The following MYO5A variants were observed in gnomAD, a reference collection of about 807,000 sequenced individuals.
MYO5A encodes myosin VA.
In MYO5A, 98 loss-of-function variants were observed where a neutral mutation model predicts 249.7. The observed-to-expected ratio is 0.39, with a 90% CI of 0.33 to 0.46. The LOEUF is 0.46. MYO5A is among the 20% of genes least tolerant of loss of function. The pLI is 0.98. For synonymous variants in MYO5A, 778 were observed against 810.6 expected (o/e 0.96, Z 0.68); for missense variants, 1,696 against 2,308.8 (o/e 0.73, Z 5.44).
Position 52,407,362 on chromosome 15 carries a change from G to C in MYO5A, c.876C>G (p.Gly292=), listed in dbSNP as rs1459824718. 1 of 1,613,490 alleles carries C rather than the reference G, an allele frequency of 6.2e-7. No individual in the cohort carries two copies. Among genetic ancestry groups the C allele is most frequent in the Non-Finnish European group, 8.5e-7 (1 of 1,179,526 alleles). The part of the protein sequence containing the change: ...ADNFNYTKQG[G]SPVIEGVDDA... Reference sequence around the variant, plus strand: ...CATCCACTCCTTCAATCACAGGACTGCCTCCTTGTTTTGTGTAATTAAAGT... The same window carrying C: ...CATCCACTCCTTCAATCACAGGACTCCCTCCTTGTTTTGTGTAATTAAAGT... The change falls in exon 8 of 42, where the codon GGC becomes GGG. Residue 292 remains glycine, a synonymous_variant. Coordinates refer to ENST00000399233, the MANE Select transcript of MYO5A (RefSeq NM_001382347.1).
intron 18 of MYO5A, 53 bp downstream of exon 18, chr15:52,379,572 G>C: frequency 6.5e-7 from 1 of 1,527,574 alleles, no homozygotes; most frequent in South Asian, 1.1e-5. Flanking sequence ...GCTTTCCAAG[G>C]TCAGAACCAC....
At position 52,330,412 on chromosome 15, in the gene MYO5A, T is replaced by C. The variant is rs2038835922; in HGVS notation, c.4496A>G (p.Gln1499Arg). The change falls in exon 35 of 42, where the codon CAA becomes CGA. Residue 1499 changes from glutamine (Q) to arginine (R), a missense_variant. Physicochemically the swap from Gln to Arg is conservative, Grantham distance 43 (BLOSUM62 1). This residue lies in a region of MYO5A where 625 missense variants were observed against 908.1 expected (regional missense o/e 0.69). Transcript: ENST00000399233. ...CTCCTTCTTGTATTCCAGCATCCCT[T>C]GGAAATCCTTTTCTTTCCTGGGAAT... ...VNIPRKEKDF[Q>R]GMLEYKKEDE... 6.2e-7 allele frequency: 1 copy of C among 1,614,172 alleles called. No homozygotes were observed. The highest frequency in any genetic ancestry group is 8.5e-7 in the Non-Finnish European group (1 of 1,179,996).
chr15:52,364,131 G>A (rs539081748), intron 24 of MYO5A, among the ~76,000 whole-genome samples: 48 of 151,962 alleles, frequency 3.2e-4, no homozygotes, highest in African/African-American at 1.0e-3. Flanking sequence ...CCAGCTACTC[G>A]GGAGGCTGAG....
chr15:52,500,109 G>C (rs1239896087), intron 1 of MYO5A, among the ~76,000 whole-genome samples: 8 of 152,086 alleles, frequency 5.3e-5, no homozygotes, highest in African/African-American at 1.9e-4. Flanking sequence ...GTTTTCCATA[G>C]TGGCTGCATT....
rs566909127 is a variant in MYO5A, at chr15:52,398,999, A to T, written c.1054-1533T>A. ...GCGAGACTCCGTCTCAAAAAAAAAA[A>T]TTTTTTTCTTAAAATTAAAAAAAAA... On this transcript the variant is annotated intron_variant, in intron 9 of 41. Transcript: ENST00000399233. 6.6e-3 allele frequency among the ~76,000 whole-genome samples: 944 copies of T among 142,306 alleles called. 16 individuals are homozygous for T. The highest frequency in any genetic ancestry group is 0.019 in the African/African-American group (723 of 37,336). The allele number at this position is 142,306 out of a possible 152,430, so 93.4% of individuals were successfully genotyped here. A position where few individuals can be genotyped will look rare whatever the true frequency, so the allele number is the denominator to read the frequency against.
intron 1 of MYO5A, among the ~76,000 whole-genome samples, chr15:52,448,523 G>A (rs535280488): frequency 1.7e-4 from 26 of 152,248 alleles, no homozygotes; most frequent in African/African-American, 6.3e-4. Flanking sequence ...TAAGACTTTG[G>A]ACTATTGGGA....
Position 52,410,345 on chromosome 15 carries a change from T to C in MYO5A, c.744A>G (p.Arg248=). 6.2e-7 allele frequency: 1 copy of C among 1,613,828 alleles called. No individual in the cohort carries two copies. Among genetic ancestry groups the C allele is most frequent in the Non-Finnish European group, 8.5e-7 (1 of 1,179,778 alleles). The change falls in exon 6 of 42, where the codon AGA becomes AGG. Residue 248 remains arginine, a synonymous_variant. Transcript: ENST00000399233. ...ATGGCCAGCTTACCTGGAATACCACTCTGGATTTCTCTAAAAGATAAGTTC... is the reference window on the plus strand; with the variant it reads ...ATGGCCAGCTTACCTGGAATACCACCCTGGATTTCTCTAAAAGATAAGTTC... ...NMRTYLLEKS[R]VVFQAEEERN... is the part of the protein sequence containing the mutation.
intron 1 of MYO5A, among the ~76,000 whole-genome samples, chr15:52,484,203 G>A (rs2076772426): frequency 6.6e-6 from 1 of 152,202 alleles, no homozygotes; most frequent in African/African-American, 2.4e-5. Flanking sequence ...ATTGTAGCAA[G>A]TTGAACGTAT....
rs566879094 is a variant in MYO5A at position 52,427,180 on chromosome 15, T to C, written c.311-1206A>G. The stretch of plus-strand genomic sequence containing the variant: ...TCTGTATTTCCTAAGAATTTTTCTG[T>C]AGGTGTATATTAACTTAATGAAGTC... On this transcript the variant is annotated intron_variant, in intron 3 of 41. Transcript: ENST00000399233. 6.6e-5 allele frequency among the ~76,000 whole-genome samples: 10 copies of C among 152,302 alleles called. No individual in the cohort carries two copies. The Middle Eastern group carries it at 0.017, about 261-fold the overall frequency.
chr15:52,405,699 G>C (rs1567095408), intron 8 of MYO5A, among the ~76,000 whole-genome samples: 1 of 152,138 alleles, frequency 6.6e-6, no homozygotes, highest in Non-Finnish European at 1.5e-5. Context: ...TCTCATTTGA[G>C]ATATGAAAAT....
intron 1 of MYO5A, among the ~76,000 whole-genome samples, chr15:52,511,095 T>G (rs2077380782): frequency 6.6e-6 from 1 of 152,184 alleles, no homozygotes; most frequent in Non-Finnish European, 1.5e-5. Flanking sequence ...GTCCACAGAC[T>G]ATTCTCATTT....
chr15:52,323,128 T>C (rs2038412213), intron 37 of MYO5A, among the ~76,000 whole-genome samples: 3 of 152,230 alleles, frequency 2.0e-5, no homozygotes, highest in Admixed American at 6.5e-5. Flanking sequence ...CACTGACCAA[T>C]GCTTATTTTA....
chr15:52,503,303 A>G (rs910355647), intron 1 of MYO5A, among the ~76,000 whole-genome samples: 1 of 152,192 alleles, frequency 6.6e-6, no homozygotes, highest in African/African-American at 2.4e-5. Flanking sequence ...CCCGCAAAAT[A>G]TGTACATCTA....
At chr15:52,343,969 C>T (rs1028327843) in intron 30 of MYO5A, among the ~76,000 whole-genome samples, 1 of 152,074 alleles carries the variant, frequency 6.6e-6, no homozygotes, top group Non-Finnish European at 1.5e-5. Flanking sequence ...ATTCAGTTTC[C>T]CCAGTAACCC....
Position 52,313,326 on chromosome 15 carries a change from T to A in MYO5A, c.*370A>T, listed in dbSNP as rs76150736. On this transcript the variant is annotated 3_prime_UTR_variant, in exon 42 of 42. Transcript: ENST00000399233. ...TTGGTGCCTTCCTAACAACAGCTCA[T>A]CTATGGAAGTTATACTTTTTATACC... The A allele has an allele frequency of 0.022, 6,057 of 279,694 alleles. 376 individuals carry two copies. The highest frequency in any genetic ancestry group is 0.13 in the African/African-American group (5,714 of 45,048). The allele number at this position is 279,694 out of a possible 1,614,324, so 17.3% of individuals were successfully genotyped here. A position where few individuals can be genotyped will look rare whatever the true frequency, so the allele number is the denominator to read the frequency against.
intron 11 of MYO5A, among the ~76,000 whole-genome samples, chr15:52,392,331 TTATG>T (rs1470739559): frequency 6.6e-6 from 1 of 152,196 alleles, no homozygotes; most frequent in Non-Finnish European, 1.5e-5. Flanking sequence ...GATCTTTTGA[TTATG>T]TATATTTTCA....
chr15:52,370,520 A>G, intron 21 of MYO5A, 103 bp from the exon 22 acceptor site: 1 of 1,264,276 alleles, frequency 7.9e-7, no homozygotes, highest in Non-Finnish European at 1.1e-6. Flanking sequence ...ATATCATCAT[A>G]ACATTGATAT....
At chr15:52,474,878 G>A (rs1284452789) in intron 1 of MYO5A, among the ~76,000 whole-genome samples, 1 of 152,176 alleles carries the variant, frequency 6.6e-6, no homozygotes, top group African/African-American at 2.4e-5. Context: ...CCAGGCTTTG[G>A]TATCAGGATG....
At position 52,355,321 on chromosome 15, in the gene MYO5A, C is replaced by A. The variant is rs185539231; in HGVS notation, c.3424-1307G>T. On this transcript the variant is annotated intron_variant, in intron 25 of 41. Transcript: ENST00000399233. ...ACTGTGGATCAAAAATATTCCCCCC[C>A]AAAAAAACTCCCAAACAATAAAAAT... Among the ~76,000 whole-genome samples, 207 of 152,168 alleles carry A rather than the reference C, an allele frequency of 1.4e-3. 2 individuals carry two copies. Among genetic ancestry groups the A allele is most frequent in the Non-Finnish European group, 1.1e-3 (73 of 67,996 alleles).
Sources: allele counts gnomAD v4.1 joint callset (sites outside exome capture counted in the v4.1 genomes callset), GRCh38; gene constraint gnomAD v4.1.1; regional missense constraint gnomAD v4.1.1; transcripts MANE v1.5; gene names NCBI Gene and HGNC (gene_info 2026-07-23, HGNC 2026-07-21).